CHURC1: variants seen among roughly 807,000 people sequenced by gnomAD.
The protein encoded by CHURC1 is churchill domain containing 1.
In CHURC1, 12 loss-of-function variants were observed where a neutral mutation model predicts 15.4. The ratio of observed to expected loss-of-function variants is 0.78; its 90% CI spans 0.50 to 1.27. The LOEUF is 1.27. CHURC1 is among the 50% of genes most tolerant of loss of function. The probability of loss-of-function intolerance (pLI) is 0.00; values close to 1 mark genes in which losing one functional copy is unlikely to be tolerated. For synonymous variants in CHURC1, 42 were observed against 47.5 expected (o/e 0.88, Z 0.48); for missense variants, 132 against 137.8 (o/e 0.96, Z 0.21).
chr14:64,928,526 A>C (rs1884884828), intron 3 of CHURC1, among the ~76,000 whole-genome samples: 1 of 152,194 alleles, frequency 6.6e-6, no homozygotes, highest in Non-Finnish European at 1.5e-5. Context: ...CTGGGATTAC[A>C]GGTGTGAGCC....
At chr14:64,915,320 A>G (rs1473346391) in intron 1 of CHURC1, among the ~76,000 whole-genome samples, 1 of 152,246 alleles carries the variant, frequency 6.6e-6, no homozygotes, top group Admixed American at 6.5e-5. Flanking sequence ...TCAGAGAAGA[A>G]ATTAAAAGGC....
intron 2 of CHURC1, among the ~76,000 whole-genome samples, 197 bp from the exon 3 acceptor site, chr14:64,925,813 G>C (rs1312510090): frequency 7.2e-6 from 1 of 138,974 alleles, no homozygotes; most frequent in Non-Finnish European, 1.5e-5. Context: ...CTCAGACTCA[G>C]AATTATGTAA....
chr14:64,923,885 C>T, intron 1 of CHURC1, 106 bp from the exon 2 acceptor site: 1 of 1,158,214 alleles, frequency 8.6e-7, no homozygotes, highest in Non-Finnish European at 1.1e-6. Context: ...TAAATGCTGG[C>T]CATTTTTTAG....
In CHURC1 at chr14:64,932,634, C is replaced by T. The variant is rs1010142291; in HGVS notation, c.*404C>T. ...TCTTGTGCCACAGAAAAATGAAGTACTGAAATTAAAAAAAAAAAATCATAG... is the reference window on the plus strand; with the variant it reads ...TCTTGTGCCACAGAAAAATGAAGTATTGAAATTAAAAAAAAAAAATCATAG... On this transcript the variant is annotated 3_prime_UTR_variant, in exon 4 of 4. Transcript: ENST00000549115. 10 of 185,772 alleles carry T rather than the reference C, an allele frequency of 5.4e-5. No individual in the cohort carries two copies. Among genetic ancestry groups the T allele is most frequent in the African/African-American group, 4.9e-4 (9 of 18,540 alleles). 11.5% of individuals were successfully genotyped at this position (185,772 alleles called of 1,614,324 possible). A position where few individuals can be genotyped will look rare whatever the true frequency, so the allele number is the denominator to read the frequency against.
chr14:64,917,981 C>T (rs1278111549), intron 1 of CHURC1, among the ~76,000 whole-genome samples: 1 of 152,118 alleles, frequency 6.6e-6, no homozygotes, highest in Non-Finnish European at 1.5e-5. Flanking sequence ...AGTTTGGGTA[C>T]AACTATGTAG....
chr14:64,930,854 A>G (rs1188254967), intron 3 of CHURC1: 3 of 455,284 alleles, frequency 6.6e-6, no homozygotes, highest in Admixed American at 4.7e-5. Context: ...GTATTTGAGA[A>G]CAGTAAAAGA....
In CHURC1 at chr14:64,933,713, G is replaced by T. The variant is rs528896338; in HGVS notation, c.*1483G>T. The T allele has an allele frequency of 1.4e-5, 14 of 985,294 alleles. No individual in the cohort carries two copies. In the African/African-American group the frequency reaches 2.4e-4, roughly 17 times the overall value. The allele number at this position is 985,294 out of a possible 1,614,324, so 61.0% of individuals were successfully genotyped here. On this transcript the variant is annotated 3_prime_UTR_variant, in exon 4 of 4. Transcript: ENST00000549115. The stretch of plus-strand genomic sequence containing the variant: ...AAAGGGTCAGGCATTAGAAACAAAA[G>T]TGTTTCTTCATATCTAGGAGATTTG...
chr14:64,929,276 C>G (rs1460193401), intron 3 of CHURC1, among the ~76,000 whole-genome samples: 1 of 151,844 alleles, frequency 6.6e-6, no homozygotes, highest in East Asian at 1.9e-4. Context: ...TTGAATATTC[C>G]CTCTCTCTAC....
At chr14:64,924,887 AAT>A (rs1446029753) in intron 2 of CHURC1, among the ~76,000 whole-genome samples, 2 of 152,224 alleles carry the variant, frequency 1.3e-5, no homozygotes. Flanking sequence ...ATGAGGAATA[AAT>A]GTACAGGTAA....
intron 1 of CHURC1, among the ~76,000 whole-genome samples, chr14:64,917,658 G>A (rs1883984042): frequency 1.3e-5 from 2 of 152,190 alleles, no homozygotes; most frequent in Non-Finnish European, 1.5e-5. Context: ...GTTGAGGTGG[G>A]AGGTTGCAGT....
rs1214881451 is a variant in CHURC1 at position 64,934,063 on chromosome 14, C to G, written c.*1833C>G. 1.0e-6 allele frequency: 1 copy of G among 971,940 alleles called. No individual in the cohort carries two copies. The highest frequency in any genetic ancestry group is 1.2e-6 in the Non-Finnish European group (1 of 826,816). The allele number at this position is 971,940 out of a possible 1,614,324, so 60.2% of individuals were successfully genotyped here. On this transcript the variant is annotated 3_prime_UTR_variant, in exon 4 of 4. Coordinates refer to ENST00000549115, the MANE Select transcript of CHURC1 (RefSeq NM_001386928.1). Reference sequence around the variant, plus strand: ...AGGCACAAAGAAGTTAAATAACTTGCCGGGTGCGGTGGCTCACCCCTGTAA... The same window carrying G: ...AGGCACAAAGAAGTTAAATAACTTGGCGGGTGCGGTGGCTCACCCCTGTAA...
chr14:64,933,745 C>G lies in CHURC1; in HGVS notation c.*1515C>G. 1 of 985,364 alleles carries G rather than the reference C, an allele frequency of 1.0e-6. No homozygotes were observed. The highest frequency in any genetic ancestry group is 1.2e-6 in the Non-Finnish European group (1 of 829,916). 61.0% of individuals were successfully genotyped at this position (985,364 alleles called of 1,614,324 possible). A position where few individuals can be genotyped will look rare whatever the true frequency, so the allele number is the denominator to read the frequency against. ...TTCATATCTAGGAGATTTGGAAATT[C>G]TGAACTAAGGTCTTATAAGAACAAG... is the stretch of plus-strand genomic sequence containing the variant. On this transcript the variant is annotated 3_prime_UTR_variant, in exon 4 of 4. Coordinates refer to ENST00000549115, the MANE Select transcript of CHURC1 (RefSeq NM_001386928.1).
At chr14:64,927,399 T>C (rs1473158288) in intron 3 of CHURC1, among the ~76,000 whole-genome samples, 1 of 152,120 alleles carries the variant, frequency 6.6e-6, no homozygotes, top group Admixed American at 6.5e-5. Flanking sequence ...TCCTATTCTT[T>C]TATGGGAGGA....
intron 3 of CHURC1, chr14:64,930,810 A>C: frequency 2.2e-6 from 1 of 454,726 alleles, no homozygotes; most frequent in Non-Finnish European, 4.4e-6. Flanking sequence ...GTTGCCATCC[A>C]AATAGCAATG....
chr14:64,915,717 TAC>T (rs1285061065), intron 1 of CHURC1, among the ~76,000 whole-genome samples: 2 of 152,226 alleles, frequency 1.3e-5, no homozygotes, highest in East Asian at 3.8e-4. Flanking sequence ...CCTTATAAAA[TAC>T]AGACATGACC....
At chr14:64,918,588 G>A (rs1340709273) in intron 1 of CHURC1, among the ~76,000 whole-genome samples, 2 of 152,190 alleles carry the variant, frequency 1.3e-5, no homozygotes, top group Admixed American at 6.5e-5. Flanking sequence ...AACACTTTGG[G>A]AAGCCGAGGC....
chr14:64,922,605 A>G (rs1422370419), intron 1 of CHURC1, among the ~76,000 whole-genome samples: 1 of 151,614 alleles, frequency 6.6e-6, no homozygotes, highest in African/African-American at 2.4e-5. Flanking sequence ...AAAAAAATCA[A>G]AGCAAAGCAT....
chr14:64,935,359 T>G lies in CHURC1; in HGVS notation c.*3129T>G, dbSNP rs1885282607. The stretch of plus-strand genomic sequence containing the variant: ...TAATAATAAAATAAAAAAAAAGGAA[T>G]TAGGCAAAACATGGCTCTTCTTTTT... On this transcript the variant is annotated 3_prime_UTR_variant, in exon 4 of 4. Transcript: ENST00000549115. 1 of 965,512 alleles carries G rather than the reference T, an allele frequency of 1.0e-6. No homozygotes were observed. The highest frequency in any genetic ancestry group is 1.8e-5 in the African/African-American group (1 of 56,802). The allele number at this position is 965,512 out of a possible 1,614,324, so 59.8% of individuals were successfully genotyped here.
Position 64,930,067 on chromosome 14 carries a change from A to G in CHURC1, c.247-2071A>G, listed in dbSNP as rs549126445. Reference sequence around the variant, plus strand: ...CTTGGAGTCAGAATTAACAGGGACTAATAGAGGAAGAGAGTAAAGCTAATA... The same window carrying G: ...CTTGGAGTCAGAATTAACAGGGACTGATAGAGGAAGAGAGTAAAGCTAATA... On this transcript the variant is annotated intron_variant, in intron 3 of 3. Transcript: ENST00000549115. 2.0e-5 allele frequency among the ~76,000 whole-genome samples: 3 copies of G among 152,030 alleles called. No homozygotes were observed. The South Asian group carries it at 6.2e-4, about 32-fold the overall frequency.
Sources: allele counts gnomAD v4.1 joint callset (sites outside exome capture counted in the v4.1 genomes callset), GRCh38; gene constraint gnomAD v4.1.1; transcripts MANE v1.5; gene names NCBI Gene and HGNC (gene_info 2026-07-23, HGNC 2026-07-21).